The following CDC42BPA variants were observed in gnomAD, a reference collection of about 807,000 sequenced individuals.
CDC42BPA encodes the protein CDC42 binding protein kinase alpha.
Under a neutral mutation model 223.5 loss-of-function variants are expected in CDC42BPA, and 80 were observed. The ratio of observed to expected loss-of-function variants is 0.36; its 90% confidence interval spans 0.30 to 0.43. The LOEUF (loss-of-function observed/expected upper bound fraction) is 0.43. Ranked by LOEUF, CDC42BPA falls within the 20% of genes least tolerant of loss-of-function variation. The probability of loss-of-function intolerance (pLI) is 1.00; values close to 1 mark genes in which losing one functional copy is unlikely to be tolerated. For synonymous variants in CDC42BPA, 694 were observed against 718.6 expected, an observed-to-expected ratio of 0.97 and a Z score of 0.55; for missense variants, 1,743 against 2,099.9, an observed-to-expected ratio of 0.83 and a Z score of 3.32.
At chr1:227,302,851 C>T (rs1037826239) in intron 1 of CDC42BPA, among the ~76,000 whole-genome samples, 1 of 152,022 alleles carries the variant, frequency 6.6e-6, no homozygotes, top group African/African-American at 2.4e-5. Flanking sequence ...ACTTTCCAAT[C>T]TTGTACTGAG....
intron 6 of CDC42BPA, among the ~76,000 whole-genome samples, chr1:227,157,227 G>A (rs2149778279): frequency 6.6e-6 from 1 of 152,208 alleles, no homozygotes; most frequent in East Asian, 1.9e-4. Context: ...ATATTTTTAT[G>A]CTATAAATCC....
chr1:227,316,919 G>T, intron 1 of CDC42BPA, 86 bp downstream of exon 1: 1 of 947,420 alleles, frequency 1.1e-6, no homozygotes, highest in Non-Finnish European at 1.6e-6. Flanking sequence ...TTTGAACGGA[G>T]TAGAGTTTAC....
chr1:227,253,433 T>G (rs543547970), intron 2 of CDC42BPA, among the ~76,000 whole-genome samples: 4 of 152,218 alleles, frequency 2.6e-5, no homozygotes, highest in South Asian at 4.1e-4. Context: ...CCAACTTGAC[T>G]AAAAATACAA....
rs573630728 is a variant in CDC42BPA at position 227,155,947 on chromosome 1, A to G, written c.693+4596T>C. ...ATGAGTTAGTATCTAAAAATAAATA[A>G]TCAAGAGACAGCAGCACAAATATGG... On this transcript the variant is annotated intron_variant, in intron 6 of 36. Transcript: ENST00000366766. Among the ~76,000 whole-genome samples the G allele has an allele frequency of 9.3e-4, 141 of 152,234 alleles. 1 individual carries two copies. The highest frequency in any genetic ancestry group is 3.1e-3 in the African/African-American group (127 of 41,538).
intron 21 of CDC42BPA, among the ~76,000 whole-genome samples, chr1:227,064,744 G>T (rs1676630345): frequency 6.6e-6 from 1 of 152,076 alleles, no homozygotes; most frequent in Non-Finnish European, 1.5e-5. Context: ...TTAATAGGTT[G>T]AATGGAAATG....
chr1:227,188,307 C>A (rs1245169823), intron 5 of CDC42BPA, among the ~76,000 whole-genome samples: 2 of 151,766 alleles, frequency 1.3e-5, no homozygotes, highest in Non-Finnish European at 2.9e-5. Context: ...CATGTCATTT[C>A]AAAGTGGGCT....
chr1:227,274,706 G>T (rs982676036), intron 1 of CDC42BPA, among the ~76,000 whole-genome samples: 5 of 151,688 alleles, frequency 3.3e-5, no homozygotes, highest in Admixed American at 2.0e-4. Flanking sequence ...AATACAGAAA[G>T]AATGAAAATA....
At chr1:227,268,746 C>T (rs949655749) in intron 1 of CDC42BPA, among the ~76,000 whole-genome samples, 3 of 150,228 alleles carry the variant, frequency 2.0e-5, no homozygotes, top group Non-Finnish European at 4.4e-5. Context: ...AGTGTACTGG[C>T]GTGATCCCGG....
Position 227,260,937 on chromosome 1 carries a change from T to C in CDC42BPA, c.179-6782A>G, listed in dbSNP as rs1241325459. 1.3e-5 allele frequency among the ~76,000 whole-genome samples: 2 copies of C among 151,012 alleles called. 1 individual carries two copies. The highest frequency in any genetic ancestry group is 5.0e-5 in the African/African-American group (2 of 40,316). ...AACTGTTATCAATTATGCCAGGCTC[T>C]GTGTCTAAATTCTGTAATACTGTGA... On this transcript the variant is annotated intron_variant, in intron 1 of 36. Transcript: ENST00000366766.
At chr1:227,229,419 G>GT (rs1677430209) in intron 2 of CDC42BPA, among the ~76,000 whole-genome samples, 1 of 152,110 alleles carries the variant, frequency 6.6e-6, no homozygotes, top group Non-Finnish European at 1.5e-5. Flanking sequence ...TTGCTTTGTA[G>GT]TAAGTTTTGA....
In CDC42BPA at chr1:227,100,540, T is replaced by C. The variant is rs537428678; in HGVS notation, c.2249+452A>G. 1.9e-4 allele frequency among the ~76,000 whole-genome samples: 29 copies of C among 152,226 alleles called. No homozygotes were observed. The East Asian group carries it at 5.6e-3, about 29-fold the overall frequency. On this transcript the variant is annotated intron_variant, in intron 15 of 36. Coordinates refer to ENST00000366766, the MANE Select transcript of CDC42BPA (RefSeq NM_001394014.1). The stretch of plus-strand genomic sequence containing the variant: ...ATCTTAGCACATCCTCCCTGGACAC[T>C]CCTCCCTAGCTACTTCTTTCTTACT...
chr1:227,186,495 A>G (rs187881027), intron 5 of CDC42BPA, among the ~76,000 whole-genome samples: 40 of 152,250 alleles, frequency 2.6e-4, no homozygotes, highest in Admixed American at 2.0e-4. Context: ...ATCCTGTCCC[A>G]ACTAAGCAGG....
chr1:227,181,961 A>G (rs1425348899), intron 5 of CDC42BPA, among the ~76,000 whole-genome samples: 1 of 152,338 alleles, frequency 6.6e-6, no homozygotes, highest in Non-Finnish European at 1.5e-5. Context: ...CAGGAAAAAC[A>G]TAATAAATGT....
intron 16 of CDC42BPA, among the ~76,000 whole-genome samples, chr1:227,081,791 T>C (rs1680719639): frequency 6.6e-6 from 1 of 152,070 alleles, no homozygotes; most frequent in Admixed American, 6.6e-5. Flanking sequence ...CCTGTACTAT[T>C]CGGGAACAAA....
At chr1:227,066,013 C>A (rs1467726101) in intron 21 of CDC42BPA, among the ~76,000 whole-genome samples, 1 of 152,182 alleles carries the variant, frequency 6.6e-6, no homozygotes, top group Non-Finnish European at 1.5e-5. Context: ...TAGAGCCTTA[C>A]CGCAAAGGGC....
chr1:227,068,762 TAATA>T lies in CDC42BPA; in HGVS notation c.2904+1011_2904+1014del, dbSNP rs754226051. 491 of 583,284 alleles carry T rather than the reference TAATA, an allele frequency of 8.4e-4. 2 individuals are homozygous for T. Among genetic ancestry groups the T allele is most frequent in the South Asian group, 2.1e-3 (84 of 40,044 alleles). The allele number at this position is 583,284 out of a possible 1,614,324, so 36.1% of individuals were successfully genotyped here. A position where few individuals can be genotyped will look rare whatever the true frequency, so the allele number is the denominator to read the frequency against. On this transcript the variant is annotated intron_variant, in intron 21 of 36. Coordinates refer to ENST00000366766, the MANE Select transcript of CDC42BPA (RefSeq NM_001394014.1). ...TATGGATGAAGCAATTTAATAAGAA[TAATA>T]AATCAAAAACTTTGTAAAACAATTG...
At chr1:227,027,107 C>T (rs1668403175) in intron 30 of CDC42BPA, among the ~76,000 whole-genome samples, 1 of 152,020 alleles carries the variant, frequency 6.6e-6, no homozygotes, top group Admixed American at 6.6e-5. Flanking sequence ...CCATATTTTT[C>T]AGAAGAAACA....
At chr1:227,183,505 C>T (rs1331676374) in intron 5 of CDC42BPA, 3 of 152,184 alleles carry the variant, frequency 2.0e-5, no homozygotes, top group African/African-American at 4.8e-5. Context: ...GAGGCCCCTC[C>T]GGGTTATTGT....
In CDC42BPA at chr1:227,162,468, T is replaced by C. The variant is rs1664089599; in HGVS notation, c.600-1832A>G. ...TCATAAAACTATGTACTTTTTAAAA[T>C]GTCTTTATAAATGACACCAAACTGT... On this transcript the variant is annotated intron_variant, in intron 5 of 36. Coordinates refer to ENST00000366766, the MANE Select transcript of CDC42BPA (RefSeq NM_001394014.1). Among the ~76,000 whole-genome samples, 3 of 152,222 alleles carry C rather than the reference T, an allele frequency of 2.0e-5. 1 individual carries two copies. Among genetic ancestry groups the C allele is most frequent in the African/African-American group, 7.2e-5 (3 of 41,456 alleles).
Sources: gnomAD v4.1 joint callset for allele counts (sites outside exome capture counted in the v4.1 genomes callset) on GRCh38, gnomAD v4.1.1 for gene constraint, MANE v1.5 for transcripts, NCBI Gene and HGNC (gene_info 2026-07-23, HGNC 2026-07-21) for gene names.